The following ITIH2 variants were observed in gnomAD, a reference collection of about 807,000 sequenced individuals.
ITIH2 encodes inter-alpha-trypsin inhibitor heavy chain 2.
A neutral mutation model predicts 104.4 loss-of-function variants in ITIH2; 103 were observed. That is an observed-to-expected ratio of 0.99 (90% CI 0.84 to 1.16). The LOEUF (loss-of-function observed/expected upper bound fraction) is 1.16, where lower values mean the gene tolerates loss of function less well. Among genes scored for constraint, ITIH2 ranks in the 50% most tolerant of loss-of-function variants. The probability of loss-of-function intolerance (pLI) is 0.00; values close to 1 mark genes in which losing one functional copy is unlikely to be tolerated. For synonymous variants in ITIH2, 436 were observed against 435.4 expected, an observed-to-expected ratio of 1.00 and a Z score of -0.02; for missense variants, 1,108 against 1,162.4, an observed-to-expected ratio of 0.95 and a Z score of 0.68.
Position 7,717,803 on chromosome 10 carries a change from G to T in ITIH2, c.630+15G>T. On this transcript the variant is annotated intron_variant, in intron 6 of 20. Coordinates refer to ENST00000358415, the MANE Select transcript of ITIH2 (RefSeq NM_002216.3). ...AACACTTAGAGGTAAGCCTGGATCT[G>T]TAGGGTGGGCAGTGACACTGTCCTT... The T allele has an allele frequency of 3.1e-6, 5 of 1,598,020 alleles. No homozygotes were observed. The highest frequency in any genetic ancestry group is 4.3e-6 in the Non-Finnish European group (5 of 1,168,408).
chr10:7,743,010 G>A, intron 16 of ITIH2, 136 bp from the exon 17 acceptor site: 1 of 605,484 alleles, frequency 1.7e-6, no homozygotes, highest in South Asian at 2.3e-5. Flanking sequence ...CCAAGACCTG[G>A]AGGAGTACCG....
In ITIH2 at chr10:7,713,163, C is replaced by T. The variant is rs1431113172; in HGVS notation, c.363-18C>T. 6.3e-7 allele frequency: 1 copy of T among 1,584,802 alleles called. No individual in the cohort carries two copies. The highest frequency in any genetic ancestry group is 1.3e-5 in the African/African-American group (1 of 74,166). On this transcript the variant is annotated intron_variant, in intron 4 of 20. Coordinates refer to ENST00000358415, the MANE Select transcript of ITIH2 (RefSeq NM_002216.3). ...GATTACTATTCTGACCAACTGGTTA[C>T]CTTCTGTCATTTTCTAGGACTGTGG...
rs1267311185 is a variant in ITIH2, at chr10:7,709,081, G to C, written c.252G>C (p.Arg84=). Residue 84 remains arginine, a synonymous_variant, in exon 4 of 21, where the codon CGG becomes CGC. Transcript: ENST00000358415. ...SYKVQSTITS[R]MATTMIQSKV... ...AAGTCCAGTCTACTATTACTTCTCG[G>C]ATGGCCACCACCATGATCCAGAGCA... 3.7e-6 allele frequency: 6 copies of C among 1,613,978 alleles called. No individual in the cohort carries two copies. The highest frequency in any genetic ancestry group is 5.1e-6 in the Non-Finnish European group (6 of 1,179,960).
At chr10:7,743,974 A>T (rs1835151375) in intron 17 of ITIH2, 108 bp from the exon 18 acceptor site, 1 of 672,066 alleles carries the variant, frequency 1.5e-6, no homozygotes, top group African/African-American at 1.8e-5. Flanking sequence ...AAGCAAAATT[A>T]TAATAATTTT....
In ITIH2 at chr10:7,744,324, G is replaced by T; in HGVS notation, c.2408+44G>T. On this transcript the variant is annotated intron_variant, in intron 18 of 20. Coordinates refer to ENST00000358415, the MANE Select transcript of ITIH2 (RefSeq NM_002216.3). ...GAACTTGGGCCTGTCCGTGACACAC[G>T]ACTGCATAAATAAATCCAGGCATCA... The T allele has an allele frequency of 3.5e-6, 5 of 1,435,736 alleles. No homozygotes were observed. In the South Asian group the frequency reaches 5.9e-5, roughly 17 times the overall value. The allele number at this position is 1,435,736 out of a possible 1,614,324, so 88.9% of individuals were successfully genotyped here.
chr10:7,716,948 A>ATTT (rs755687195), intron 5 of ITIH2, among the ~76,000 whole-genome samples: 134 of 131,620 alleles, frequency 1.0e-3, no homozygotes, highest in African/African-American at 3.6e-3. Flanking sequence ...CTACAAGCCT[A>ATTT]TTTTTTTTTT....
intron 15 of ITIH2, among the ~76,000 whole-genome samples, 177 bp downstream of exon 15, chr10:7,735,268 C>T (rs531084712): frequency 4.6e-5 from 7 of 152,220 alleles, no homozygotes; most frequent in Non-Finnish European, 8.8e-5. Context: ...TTGCTGTGGT[C>T]GTTGACCATT....
intron 4 of ITIH2, among the ~76,000 whole-genome samples, chr10:7,712,025 C>A (rs1703867789): frequency 6.6e-6 from 1 of 152,162 alleles, no homozygotes; most frequent in African/African-American, 2.4e-5. Context: ...GAGATGGTTT[C>A]CAGATAAACA....
chr10:7,745,007 A>T, intron 19 of ITIH2, 44 bp downstream of exon 19: 2 of 1,548,526 alleles, frequency 1.3e-6, no homozygotes, highest in Non-Finnish European at 1.8e-6. Flanking sequence ...GGCCGCTCTA[A>T]TTCTTTAGCA....
intron 1 of ITIH2, 98 bp downstream of exon 1, chr10:7,703,616 T>C: frequency 5.4e-6 from 4 of 745,170 alleles, no homozygotes; most frequent in Non-Finnish European, 2.4e-6. Context: ...CTGTGTGTAA[T>C]GGAAACTTAA....
chr10:7,737,406 CATATAT>C (rs375717121), intron 15 of ITIH2, among the ~76,000 whole-genome samples: 67 of 121,702 alleles, frequency 5.5e-4, no homozygotes, highest in Non-Finnish European at 6.7e-4. Flanking sequence ...GTATATATCT[CATATAT>C]ATATATATAT....
In ITIH2 at chr10:7,713,198, C is replaced by T. The variant is rs778587511; in HGVS notation, c.380C>T (p.Thr127Ile). 1.5e-5 allele frequency: 24 copies of T among 1,613,700 alleles called. No individual in the cohort carries two copies. In the South Asian group the frequency reaches 1.9e-4, roughly 13 times the overall value. Residue 127 changes from threonine (T) to isoleucine (I), a missense_variant, in exon 5 of 21, where the codon ACA (threonine) becomes ATA (isoleucine). Transcript: ENST00000358415. The stretch of plus-strand genomic sequence containing the variant: ...TTTTCTAGGACTGTGGACGGCAAGA[C>T]ATTTAGGAGCTCTATTAAGGAGAAA... ...SNFSMTVDGK[T>I]FRSSIKEKTV...
At chr10:7,714,487 G>A (rs1834829203) in intron 5 of ITIH2, among the ~76,000 whole-genome samples, 1 of 151,942 alleles carries the variant, frequency 6.6e-6, no homozygotes, top group South Asian at 2.1e-4. Context: ...TCACTATTAG[G>A]CCAAATGCTG....
In ITIH2 at chr10:7,727,804, G is replaced by GT. The variant is rs1284846486; in HGVS notation, c.1258dup (p.Ser420PhefsTer2). The GT allele has an allele frequency of 3.7e-6, 6 of 1,614,200 alleles. No homozygotes were observed. In the South Asian group the frequency reaches 6.6e-5, roughly 18 times the overall value. On this transcript the variant is annotated frameshift_variant, in exon 11 of 21. Transcript: ENST00000358415. LOFTEE classifies it high-confidence loss of function. ...CAACTCCGTCTCGCTGATCATTTTG[G>GT]TTTCTGATGGAGATCCAACAGTGGG...
In ITIH2 at chr10:7,749,375, T is replaced by C. The variant is rs200370800; in HGVS notation, c.*41T>C. On this transcript the variant is annotated 3_prime_UTR_variant, in exon 21 of 21. Coordinates refer to ENST00000358415, the MANE Select transcript of ITIH2 (RefSeq NM_002216.3). ...GAAATTATATATATTAATATACATC[T>C]TTCCCCTGTCACTTTTGCAGATATT... is the stretch of plus-strand genomic sequence containing the variant. The C allele has an allele frequency of 3.1e-5, 47 of 1,504,044 alleles. No homozygotes were observed. Among genetic ancestry groups the C allele is most frequent in the Non-Finnish European group, 4.2e-5 (46 of 1,093,076 alleles). The allele number at this position is 1,504,044 out of a possible 1,614,324, so 93.2% of individuals were successfully genotyped here.
At chr10:7,739,813 CA>C (rs1344290283) in intron 16 of ITIH2, among the ~76,000 whole-genome samples, 2 of 152,178 alleles carry the variant, frequency 1.3e-5, no homozygotes, top group African/African-American at 4.8e-5. Context: ...TGCCTGAGCC[CA>C]GAAGTTCAAC....
At chr10:7,737,579 C>A (rs377164125) in intron 15 of ITIH2, among the ~76,000 whole-genome samples, 1,124 of 70,984 alleles carry the variant, frequency 0.016, 14 homozygotes, top group South Asian at 0.049. Context: ...ATATTAAATT[C>A]TATATTCTAT....
At position 7,744,875 on chromosome 10, in the gene ITIH2, T is replaced by A. The variant is rs1243746980; in HGVS notation, c.2493T>A (p.Val831=). Residue 831 remains valine (V), a synonymous_variant, in exon 19 of 21, where the codon GTT becomes GTA. Coordinates refer to ENST00000358415, the MANE Select transcript of ITIH2 (RefSeq NM_002216.3). ...CCTTTTCTGTTTTACTTCATCGTGTTTGGAAGAAGCATCCCGTCAATGTTG... is the reference window on the plus strand; with the variant it reads ...CCTTTTCTGTTTTACTTCATCGTGTATGGAAGAAGCATCCCGTCAATGTTG... The part of the protein sequence containing the change: ...EMSFSVLLHR[V]WKKHPVNVDF... 1 of 1,613,990 alleles carries A rather than the reference T, an allele frequency of 6.2e-7. No homozygotes were observed. The highest frequency in any genetic ancestry group is 2.2e-5 in the East Asian group (1 of 44,886).
In ITIH2 at chr10:7,748,521, C is replaced by CTTTT. The variant is rs549517172; in HGVS notation, c.2694-632_2694-629dup. ...AGTTAAGAGGTGCCGCCAATGCATT[C>CTTTT]TTTTTTTTTTTTTTTTTTTTTTTTT... On this transcript the variant is annotated intron_variant, in intron 20 of 20. Coordinates refer to ENST00000358415, the MANE Select transcript of ITIH2 (RefSeq NM_002216.3). 7.2e-3 allele frequency among the ~76,000 whole-genome samples: 194 copies of CTTTT among 27,128 alleles called. 75 individuals carry two copies. Among genetic ancestry groups the CTTTT allele is most frequent in the East Asian group, 0.024 (15 of 620 alleles). The allele number at this position is 27,128 out of a possible 152,430, so 17.8% of individuals were successfully genotyped here.
Sources: gnomAD v4.1 joint callset for allele counts (sites outside exome capture counted in the v4.1 genomes callset) on GRCh38, gnomAD v4.1.1 for gene constraint, MANE v1.5 for transcripts, NCBI Gene and HGNC (gene_info 2026-07-23, HGNC 2026-07-21) for gene names.